CDKL1: variants seen among roughly 807,000 people sequenced by gnomAD.
CDKL1 encodes the protein cyclin dependent kinase like 1.
A neutral mutation model predicts 42.0 loss-of-function variants in CDKL1; 41 were observed. That is an observed-to-expected ratio of 0.98 (90% confidence interval 0.76 to 1.27). The LOEUF is 1.27. CDKL1 is among the 50% of genes most tolerant of loss of function. The pLI is 0.00. For synonymous variants in CDKL1, 153 were observed against 158.6 expected, an observed-to-expected ratio of 0.96 and a Z score of 0.26; for missense variants, 394 against 428.4, an observed-to-expected ratio of 0.92 and a Z score of 0.71.
chr14:50,371,323 T>C (rs924329990), intron 2 of CDKL1, among the ~76,000 whole-genome samples: 2 of 152,322 alleles, frequency 1.3e-5, no homozygotes, highest in Non-Finnish European at 2.9e-5. Context: ...CCATATATTT[T>C]TCCATAATTT....
At chr14:50,390,128 C>A in intron 2 of CDKL1, 1 of 1,364,066 alleles carries the variant, frequency 7.3e-7, no homozygotes, top group South Asian at 1.1e-5. Context: ...CTTGCCCCTA[C>A]CTGCCACATA....
At chr14:50,376,285 AC>A in intron 2 of CDKL1, 1 of 441,814 alleles carries the variant, frequency 2.3e-6, no homozygotes, top group Non-Finnish European at 4.6e-6. Context: ...GTAATCTAAA[AC>A]TATTCTAAAA....
chr14:50,383,242 A>G (rs770677030), intron 2 of CDKL1, among the ~76,000 whole-genome samples: 21 of 151,948 alleles, frequency 1.4e-4, no homozygotes, highest in Non-Finnish European at 2.4e-4. Context: ...GGAGTCTTAT[A>G]ATAACGATAT....
At chr14:50,360,495 C>CCT (rs2034204422) in intron 2 of CDKL1, among the ~76,000 whole-genome samples, 1 of 152,152 alleles carries the variant, frequency 6.6e-6, no homozygotes, top group East Asian at 1.9e-4. Context: ...GCAACCTCCA[C>CCT]CTCCCAGATT....
At chr14:50,369,242 G>A (rs951742784) in intron 2 of CDKL1, among the ~76,000 whole-genome samples, 4 of 152,228 alleles carry the variant, frequency 2.6e-5, no homozygotes, top group Non-Finnish European at 2.9e-5. Context: ...GGATCAGCAG[G>A]TCTAGGCCTG....
At chr14:50,366,941 AGTT>A (rs1170645634) in intron 2 of CDKL1, among the ~76,000 whole-genome samples, 3 of 152,140 alleles carry the variant, frequency 2.0e-5, no homozygotes, top group Non-Finnish European at 1.5e-5. Flanking sequence ...ACCAAAGTGG[AGTT>A]GTTATGTCAG....
At position 50,378,182 on chromosome 14, in the gene CDKL1, G is replaced by A; in HGVS notation, c.168+17519C>T. The A allele has an allele frequency of 2.2e-6, 3 of 1,366,328 alleles. No individual in the cohort carries two copies. The South Asian group carries it at 3.4e-5, about 16-fold the overall frequency. The allele number at this position is 1,366,328 out of a possible 1,614,324, so 84.6% of individuals were successfully genotyped here. A position where few individuals can be genotyped will look rare whatever the true frequency, so the allele number is the denominator to read the frequency against. ...AGGTTAGCTGCTTCCTTTACCTGCAGACCTTAAAAATCCCTCACATGATGC... is the reference window on the plus strand; with the variant it reads ...AGGTTAGCTGCTTCCTTTACCTGCAAACCTTAAAAATCCCTCACATGATGC... On this transcript the variant is annotated intron_variant, in intron 2 of 9. Coordinates refer to ENST00000395834, the MANE Select transcript of CDKL1 (RefSeq NM_004196.7).
At chr14:50,342,562 G>A (rs2033583960) in intron 4 of CDKL1, 1 of 346,434 alleles carries the variant, frequency 2.9e-6, no homozygotes, top group Admixed American at 5.1e-5. Flanking sequence ...TGAAGCACTT[G>A]GGATGTACTT....
chr14:50,341,512 C>T (rs2033537581), intron 5 of CDKL1, among the ~76,000 whole-genome samples: 1 of 147,842 alleles, frequency 6.8e-6, no homozygotes, highest in South Asian at 2.2e-4. Context: ...GGCACAGCGG[C>T]TCACACTTGT....
chr14:50,351,676 A>C (rs60988209), intron 3 of CDKL1, among the ~76,000 whole-genome samples: 7,059 of 150,908 alleles, frequency 0.047, 253 homozygotes, highest in East Asian at 0.19. Context: ...CGGAGGTTGC[A>C]GTGAGCTATG....
At chr14:50,373,589 C>CA in intron 2 of CDKL1, among the ~76,000 whole-genome samples, 1 of 151,782 alleles carries the variant, frequency 6.6e-6, no homozygotes, top group African/African-American at 2.4e-5. Flanking sequence ...CCAAACGGAC[C>CA]AAAAAAATGA....
At chr14:50,334,674 T>G (rs1595253702) in intron 7 of CDKL1, 53 bp from the exon 8 acceptor site, 1 of 1,061,940 alleles carries the variant, frequency 9.4e-7, no homozygotes, top group East Asian at 2.4e-5. Flanking sequence ...AAATTAAGGT[T>G]ACCTCAAATT....
intron 4 of CDKL1, chr14:50,342,794 G>C: frequency 9.9e-7 from 1 of 1,008,990 alleles, no homozygotes; most frequent in Non-Finnish European, 1.3e-6. Flanking sequence ...CCCTGGGCCT[G>C]CTGAGATAAG....
intron 3 of CDKL1, among the ~76,000 whole-genome samples, chr14:50,355,963 C>T (rs1432230964): frequency 6.6e-6 from 1 of 152,130 alleles, no homozygotes; most frequent in Non-Finnish European, 1.5e-5. Flanking sequence ...GGGATTTCCC[C>T]ATACCAGTAA....
At chr14:50,394,140 C>A (rs1051402905) in intron 2 of CDKL1, among the ~76,000 whole-genome samples, 1 of 152,230 alleles carries the variant, frequency 6.6e-6, no homozygotes, top group Non-Finnish European at 1.5e-5. Context: ...AAAAGAGTAT[C>A]TTTCTGCAAG....
At chr14:50,362,910 T>C (rs2034315981) in intron 2 of CDKL1, 1 of 451,536 alleles carries the variant, frequency 2.2e-6, no homozygotes. Flanking sequence ...ATTCACACTG[T>C]GGAAGCTTTG....
intron 2 of CDKL1, among the ~76,000 whole-genome samples, chr14:50,360,956 A>G (rs2034228523): frequency 6.6e-6 from 1 of 152,202 alleles, no homozygotes; most frequent in Admixed American, 6.5e-5. Flanking sequence ...ATCTATGGAC[A>G]TGGCTTGCTT....
chr14:50,377,525 C>CT, intron 2 of CDKL1: 1 of 1,277,406 alleles, frequency 7.8e-7, no homozygotes, highest in South Asian at 1.4e-5. Flanking sequence ...GGTGCACAGT[C>CT]TAAGACCATT....
At chr14:50,373,319 A>C (rs1286745619) in intron 2 of CDKL1, among the ~76,000 whole-genome samples, 1 of 152,222 alleles carries the variant, frequency 6.6e-6, no homozygotes, top group Non-Finnish European at 1.5e-5. Context: ...AAAATATATC[A>C]ATAGGTAATA....
Sources: allele counts gnomAD v4.1 joint callset (sites outside exome capture counted in the v4.1 genomes callset), GRCh38; gene constraint gnomAD v4.1.1; transcripts MANE v1.5; gene names NCBI Gene and HGNC (gene_info 2026-07-23, HGNC 2026-07-21).